Variants in SCHIP1 observed in about 807,000 individuals in gnomAD.
SCHIP1 encodes schwannomin-interacting protein 1.
SCHIP1 carries 8 observed loss-of-function variants against 29.7 expected under a neutral mutation model. The observed-to-expected ratio is 0.27, with a 90% CI of 0.16 to 0.49. The LOEUF (loss-of-function observed/expected upper bound fraction) is 0.49, where lower values mean the gene tolerates loss of function less well. Among genes scored for constraint, SCHIP1 ranks in the 20% least tolerant of loss-of-function variants. SCHIP1 has a pLI of 0.99. For synonymous variants in SCHIP1, 76 were observed against 94.9 expected (o/e 0.80, Z 1.16); for missense variants, 193 against 294.6 (o/e 0.66, Z 2.52).
the SCHIP1 span, among the ~76,000 whole-genome samples, chr3:159,338,473 G>A: frequency 1.3e-5 from 2 of 152,032 alleles, no homozygotes; most frequent in South Asian, 2.1e-4. Flanking sequence ...ATAAGATGAG[G>A]TTATGACTAT....
the SCHIP1 span, among the ~76,000 whole-genome samples, chr3:159,655,444 C>T: frequency 6.6e-6 from 1 of 152,094 alleles, no homozygotes; most frequent in African/African-American, 2.4e-5. Context: ...TAAGAACTAA[C>T]AAGGGGCCAG....
chr3:159,525,063 T>C, the SCHIP1 span, among the ~76,000 whole-genome samples: 1 of 152,194 alleles, frequency 6.6e-6, no homozygotes, highest in African/African-American at 2.4e-5. Flanking sequence ...GTTCTTCCCC[T>C]TGGAACTTCC....
At chr3:159,576,352 T>C in the SCHIP1 span, among the ~76,000 whole-genome samples, 23 of 152,316 alleles carry the variant, frequency 1.5e-4, no homozygotes, top group African/African-American at 5.5e-4. Context: ...ATGTTTACTG[T>C]AGAGAATTCT....
the SCHIP1 span, among the ~76,000 whole-genome samples, chr3:159,630,318 A>G: frequency 1.3e-5 from 2 of 152,154 alleles, no homozygotes; most frequent in African/African-American, 4.8e-5. Flanking sequence ...TTTTAAAACT[A>G]TGTAAAAAAG....
the SCHIP1 span, among the ~76,000 whole-genome samples, chr3:159,486,775 C>A: frequency 6.6e-6 from 1 of 152,348 alleles, no homozygotes; most frequent in Non-Finnish European, 1.5e-5. Context: ...GGGCTCCTTC[C>A]ATCTACCTGG....
chr3:159,330,576 T>C, the SCHIP1 span, among the ~76,000 whole-genome samples: 4 of 152,218 alleles, frequency 2.6e-5, no homozygotes, highest in Admixed American at 2.0e-4. Flanking sequence ...GATACTGATA[T>C]GTATTTTAAG....
chr3:159,589,513 T>C, the SCHIP1 span, among the ~76,000 whole-genome samples: 1 of 152,124 alleles, frequency 6.6e-6, no homozygotes, highest in Admixed American at 6.6e-5. Flanking sequence ...ATAGGGGTGG[T>C]GAGAGAGGAC....
chr3:159,600,366 T>C, the SCHIP1 span, among the ~76,000 whole-genome samples: 2 of 152,226 alleles, frequency 1.3e-5, no homozygotes, highest in African/African-American at 4.8e-5. Context: ...GTCCAACTTG[T>C]CATGCAGGCT....
intron 1 of SCHIP1, among the ~76,000 whole-genome samples, chr3:159,862,992 TCCAGGAAC>T (rs1714221996): frequency 6.6e-6 from 1 of 152,126 alleles, no homozygotes; most frequent in Non-Finnish European, 1.5e-5. Context: ...TAATTCCACT[TCCAGGAAC>T]TTATCCTGAG....
the SCHIP1 span, among the ~76,000 whole-genome samples, chr3:159,487,875 G>T: frequency 2.0e-5 from 3 of 152,142 alleles, no homozygotes; most frequent in Non-Finnish European, 4.4e-5. Context: ...TAAAGTCTCT[G>T]TTAAATTACA....
chr3:159,487,105 A>G, the SCHIP1 span, among the ~76,000 whole-genome samples: 1 of 115,472 alleles, frequency 8.7e-6, no homozygotes, highest in Non-Finnish European at 1.8e-5. Context: ...GCTTTGCACT[A>G]AGATTCTAGC....
chr3:159,883,982 A>G (rs967108810), intron 2 of SCHIP1, among the ~76,000 whole-genome samples: 1 of 152,218 alleles, frequency 6.6e-6, no homozygotes, highest in Non-Finnish European at 1.5e-5. Flanking sequence ...GTGAAAATAC[A>G]TATATCTGGA....
chr3:159,686,321 T>A, the SCHIP1 span, among the ~76,000 whole-genome samples: 1 of 152,198 alleles, frequency 6.6e-6, no homozygotes, highest in Non-Finnish European at 1.5e-5. Flanking sequence ...AGTACCAGAA[T>A]GATATTATAC....
the SCHIP1 span, among the ~76,000 whole-genome samples, chr3:159,651,974 T>TA: frequency 6.6e-6 from 1 of 152,222 alleles, no homozygotes; most frequent in East Asian, 1.9e-4. Flanking sequence ...CACGTGCCTG[T>TA]AGTCCCTGCT....
the SCHIP1 span, among the ~76,000 whole-genome samples, chr3:159,712,455 G>T: frequency 2.0e-5 from 3 of 152,168 alleles, no homozygotes; most frequent in East Asian, 5.8e-4. Flanking sequence ...GGTGGCTCAT[G>T]CCTGTAATCC....
At chr3:159,598,892 T>G in the SCHIP1 span, among the ~76,000 whole-genome samples, 1 of 152,180 alleles carries the variant, frequency 6.6e-6, no homozygotes, top group East Asian at 1.9e-4. Flanking sequence ...GGGTCTTATA[T>G]ATTTAGAATT....
At chr3:159,625,856 C>T in the SCHIP1 span, among the ~76,000 whole-genome samples, 9 of 152,072 alleles carry the variant, frequency 5.9e-5, no homozygotes, top group East Asian at 1.7e-3. Flanking sequence ...CAAGTTAATA[C>T]GTAGATCAAC....
chr3:159,886,991 TAATTC>T (rs1717027860), intron 3 of SCHIP1: 1 of 152,814 alleles, frequency 6.5e-6, no homozygotes, highest in Non-Finnish European at 1.5e-5. Context: ...CCCACCCCCA[TAATTC>T]AATTACCTCC....
the SCHIP1 span, among the ~76,000 whole-genome samples, chr3:159,406,535 G>A: frequency 2.0e-5 from 3 of 152,156 alleles, no homozygotes; most frequent in Admixed American, 6.6e-5. Context: ...CAATAAGTAA[G>A]CATCTGAAAG....
Sources: gnomAD v4.1 joint callset for allele counts (sites outside exome capture counted in the v4.1 genomes callset) on GRCh38, gnomAD v4.1.1 for gene constraint, MANE v1.5 for transcripts, NCBI Gene and HGNC (gene_info 2026-07-23, HGNC 2026-07-21) for gene names.